Variants in MSH4 observed in about 807,000 individuals in gnomAD.
The protein encoded by MSH4 is mutS protein homolog 4.
A neutral mutation model predicts 113.7 loss-of-function variants in MSH4; 106 were observed. The observed-to-expected ratio is 0.93, with a 90% confidence interval of 0.80 to 1.10. The LOEUF (loss-of-function observed/expected upper bound fraction) is 1.10, where lower values mean the gene tolerates loss of function less well. Ranked by LOEUF, MSH4 falls within the 50% of genes least tolerant of loss-of-function variation. The pLI is 0.00. For synonymous variants in MSH4, 368 were observed against 380.2 expected (o/e 0.97, Z 0.37); for missense variants, 1,061 against 1,093.7 (o/e 0.97, Z 0.42).
chr1:75,827,327 C>T (rs1453458163), intron 7 of MSH4, among the ~76,000 whole-genome samples: 2 of 152,060 alleles, frequency 1.3e-5, no homozygotes, highest in Non-Finnish European at 2.9e-5. Context: ...TGCAAGAACT[C>T]CTGAAGGAAG....
chr1:75,824,685 C>A (rs2100523150), intron 7 of MSH4, among the ~76,000 whole-genome samples: 1 of 152,286 alleles, frequency 6.6e-6, no homozygotes, highest in Non-Finnish European at 1.5e-5. Flanking sequence ...CAGCTTTCTG[C>A]ATATGTCTAG....
intron 9 of MSH4, among the ~76,000 whole-genome samples, chr1:75,876,369 A>G (rs1350930397): frequency 6.6e-6 from 1 of 152,036 alleles, no homozygotes; most frequent in Non-Finnish European, 1.5e-5. Flanking sequence ...TCTGTTCATA[A>G]GCAAAAAAAG....
chr1:75,836,292 CTTTCTT>C (rs1294461640), intron 7 of MSH4, among the ~76,000 whole-genome samples: 1 of 71,130 alleles, frequency 1.4e-5, no homozygotes, highest in Non-Finnish European at 2.8e-5. Context: ...TTCTCTTTTT[CTTTCTT>C]TTTCTTTTTT....
At chr1:75,818,155 A>G (rs1461944208) in intron 6 of MSH4, among the ~76,000 whole-genome samples, 1 of 152,306 alleles carries the variant, frequency 6.6e-6, no homozygotes, top group East Asian at 1.9e-4. Context: ...TATTAATAGT[A>G]GTCATACTGT....
intron 7 of MSH4, among the ~76,000 whole-genome samples, chr1:75,823,429 A>G (rs1650474921): frequency 1.3e-5 from 2 of 152,156 alleles, no homozygotes; most frequent in African/African-American, 2.4e-5. Flanking sequence ...ACCCTAACAC[A>G]GTCACCAACA....
intron 9 of MSH4, among the ~76,000 whole-genome samples, chr1:75,875,149 C>T (rs953845076): frequency 3.3e-5 from 5 of 152,152 alleles, no homozygotes; most frequent in African/African-American, 1.2e-4. Context: ...CCGCCTTAGC[C>T]CCTCGAAGTG....
rs973175331 is a variant in MSH4, at chr1:75,873,514, C to T, written c.1306-3422C>T. On this transcript the variant is annotated intron_variant, in intron 9 of 19. Transcript: ENST00000263187. ...TACAGATTATTTCACCACCGAGTTACTAAGCCTAGTACCCAATAGTTATTT... is the reference window on the plus strand; with the variant it reads ...TACAGATTATTTCACCACCGAGTTATTAAGCCTAGTACCCAATAGTTATTT... Among the ~76,000 whole-genome samples, 12 of 152,140 alleles carry T rather than the reference C, an allele frequency of 7.9e-5. No individual in the cohort carries two copies. The East Asian group carries it at 1.4e-3, about 17-fold the overall frequency.
chr1:75,862,079 G>A (rs1195518599), intron 8 of MSH4, among the ~76,000 whole-genome samples: 2 of 152,148 alleles, frequency 1.3e-5, no homozygotes, highest in Admixed American at 6.5e-5. Flanking sequence ...CTCTGTGGGC[G>A]TGGAACCTGC....
At chr1:75,829,300 G>T (rs1353323666) in intron 7 of MSH4, among the ~76,000 whole-genome samples, 1 of 152,218 alleles carries the variant, frequency 6.6e-6, no homozygotes, top group Non-Finnish European at 1.5e-5. Context: ...CTCAAACTGG[G>T]TGGAGCCCAC....
intron 17 of MSH4, among the ~76,000 whole-genome samples, chr1:75,893,330 T>C (rs994800486): frequency 2.0e-5 from 3 of 152,184 alleles, no homozygotes; most frequent in Non-Finnish European, 2.9e-5. Flanking sequence ...TCTCATCCTA[T>C]GCCAGAATTA....
intron 8 of MSH4, among the ~76,000 whole-genome samples, chr1:75,858,911 C>T (rs560653851): frequency 2.0e-5 from 3 of 152,082 alleles, no homozygotes; most frequent in South Asian, 4.1e-4. Flanking sequence ...TTTTTGGTTG[C>T]TAGGCTATTA....
At chr1:75,827,677 AAAGT>A (rs1650586512) in intron 7 of MSH4, among the ~76,000 whole-genome samples, 1 of 151,648 alleles carries the variant, frequency 6.6e-6, no homozygotes, top group Non-Finnish European at 1.5e-5. Context: ...AAAAAAAAAA[AAAGT>A]AAAGTAAAAA....
Position 75,867,598 on chromosome 1 carries a change from G to A in MSH4, c.1305+10G>A. 6.6e-7 allele frequency: 1 copy of A among 1,510,470 alleles called. No individual in the cohort carries two copies. The highest frequency in any genetic ancestry group is 9.1e-7 in the Non-Finnish European group (1 of 1,102,256). The allele number at this position is 1,510,470 out of a possible 1,614,324, so 93.6% of individuals were successfully genotyped here. ...TGTGGATCCTTTAAAGGTAATTTAT[G>A]TGTGTGTATCGTACAAAACATGTCC... On this transcript the variant is annotated intron_variant, in intron 9 of 19. Transcript: ENST00000263187.
rs530795316 is a variant in MSH4 at position 75,883,440 on chromosome 1, G to A, written c.1907-181G>A. On this transcript the variant is annotated intron_variant, in intron 14 of 19. Transcript: ENST00000263187. The stretch of plus-strand genomic sequence containing the variant: ...AATAAAAGTTGTGATAGTGATTAGA[G>A]TGTGTCCATTATAATTTAGAAGAAT... 8.0e-4 allele frequency among the ~76,000 whole-genome samples: 122 copies of A among 152,072 alleles called. 1 individual carries two copies. The highest frequency in any genetic ancestry group is 2.9e-3 in the African/African-American group (120 of 41,490).
In MSH4 at chr1:75,843,127, G is replaced by A. The variant is rs560396292; in HGVS notation, c.1163-5082G>A. ...GCTGCCAGGCAGGGAAGGGCCACCT[G>A]TCCAGTGGACACGTGACCCACGTGA... On this transcript the variant is annotated intron_variant, in intron 7 of 19. Transcript: ENST00000263187. 7.9e-3 allele frequency among the ~76,000 whole-genome samples: 1,206 copies of A among 152,304 alleles called. 4 individuals carry two copies. The highest frequency in any genetic ancestry group is 0.011 in the Non-Finnish European group (773 of 68,024).
At chr1:75,897,474 C>T (rs1024971824) in intron 17 of MSH4, among the ~76,000 whole-genome samples, 2 of 152,104 alleles carry the variant, frequency 1.3e-5, no homozygotes, top group Admixed American at 1.3e-4. Flanking sequence ...CCAAAACCTA[C>T]TTACAACTAG....
Position 75,812,948 on chromosome 1 carries a change from G to A in MSH4, c.700-2073G>A, listed in dbSNP as rs142154331. Among the ~76,000 whole-genome samples, 435 of 152,228 alleles carry A rather than the reference G, an allele frequency of 2.9e-3. 5 individuals are homozygous for A. Among genetic ancestry groups the A allele is most frequent in the African/African-American group, 0.01 (421 of 41,540 alleles). ...TCAAGTCTTTATAGGCCAGTTGGAG[G>A]CTTAGTTGAGAAGAAGGCTTATAGT... On this transcript the variant is annotated intron_variant, in intron 4 of 19. Coordinates refer to ENST00000263187, the MANE Select transcript of MSH4 (RefSeq NM_002440.4).
chr1:75,855,069 A>C (rs1293465616), intron 8 of MSH4, among the ~76,000 whole-genome samples: 1 of 151,166 alleles, frequency 6.6e-6, no homozygotes, highest in Non-Finnish European at 1.5e-5. Flanking sequence ...ACAGAGTCTC[A>C]CTCTGTTATC....
At chr1:75,825,076 T>C (rs1373725144) in intron 7 of MSH4, among the ~76,000 whole-genome samples, 1 of 152,208 alleles carries the variant, frequency 6.6e-6, no homozygotes, top group African/African-American at 2.4e-5. Context: ...TTTCACAATA[T>C]TGATTCCTCC....
Sources: gnomAD v4.1 joint callset for allele counts (sites outside exome capture counted in the v4.1 genomes callset) on GRCh38, gnomAD v4.1.1 for gene constraint, MANE v1.5 for transcripts, NCBI Gene and HGNC (gene_info 2026-07-23, HGNC 2026-07-21) for gene names.